The following ROBO2 variants were observed in gnomAD, a reference collection of about 807,000 sequenced individuals.
ROBO2 encodes the protein roundabout homolog 2.
ROBO2 carries 53 observed loss-of-function variants against 160.8 expected under a neutral mutation model. The observed-to-expected ratio is 0.33, with a 90% CI of 0.26 to 0.41. The LOEUF is 0.41. Among genes scored for constraint, ROBO2 ranks in the 10% least tolerant of loss-of-function variants. The pLI, the probability that ROBO2 is intolerant of heterozygous loss-of-function variation, is 1.00. For synonymous variants in ROBO2, 664 were observed against 611.7 expected (o/e 1.09, Z -1.26); for missense variants, 1,577 against 1,722.4 (o/e 0.92, Z 1.49).
At chr3:76,899,030 C>T (rs2075027173) in intron 2 of ROBO2, among the ~76,000 whole-genome samples, 1 of 152,188 alleles carries the variant, frequency 6.6e-6, no homozygotes, top group Middle Eastern at 3.4e-3. Context: ...AATTGAACAC[C>T]TATTCCATGT....
At chr3:76,706,709 A>G (rs2093169922) in intron 2 of ROBO2, among the ~76,000 whole-genome samples, 2 of 152,176 alleles carry the variant, frequency 1.3e-5, no homozygotes, top group African/African-American at 4.8e-5. Context: ...GAATATTTCC[A>G]AGGAATTAAA....
chr3:77,522,740 T>C lies in ROBO2; in HGVS notation c.807-35T>C, dbSNP rs763129276. The C allele has an allele frequency of 1.4e-5, 22 of 1,595,652 alleles. No individual in the cohort carries two copies. The South Asian group carries it at 2.3e-4, about 17-fold the overall frequency. On this transcript the variant is annotated intron_variant, in intron 5 of 25. Transcript: ENST00000461745. ...TTAATGTTATTATCCGTATAGCTAC[T>C]ACTATTTAATAAAACCAGTTCATTT...
intron 22 of ROBO2, 148 bp downstream of exon 23, chr3:77,617,921 C>T: frequency 1.2e-6 from 1 of 843,674 alleles, no homozygotes; most frequent in Non-Finnish European, 1.8e-6. Context: ...ATAAATGTAT[C>T]CACTGAGAAA....
At chr3:75,925,515 T>TA (rs1394313963) in intron 1 of ROBO2, among the ~76,000 whole-genome samples, 3 of 152,192 alleles carry the variant, frequency 2.0e-5, no homozygotes, top group Non-Finnish European at 4.4e-5. Context: ...AATAACCTGA[T>TA]ACTCTTTCTG....
intron 6 of ROBO2, among the ~76,000 whole-genome samples, chr3:77,537,380 A>G (rs951726321): frequency 5.3e-5 from 8 of 152,306 alleles, no homozygotes; most frequent in African/African-American, 1.9e-4. Flanking sequence ...TAATAGCTGC[A>G]TAATAGTAAC....
chr3:76,360,765 A>G (rs1458785023), intron 2 of ROBO2, among the ~76,000 whole-genome samples: 5 of 152,090 alleles, frequency 3.3e-5, no homozygotes, highest in Non-Finnish European at 7.4e-5. Context: ...AAAAGGAGAA[A>G]GAATTGGCTG....
chr3:76,049,296 G>A (rs997513081), intron 2 of ROBO2, among the ~76,000 whole-genome samples: 12 of 149,880 alleles, frequency 8.0e-5, no homozygotes, highest in Admixed American at 7.3e-4. Flanking sequence ...CTGCAGCCAC[G>A]ACCTCTTGGG....
chr3:77,487,510 G>T (rs1045956970), intron 4 of ROBO2, among the ~76,000 whole-genome samples: 2 of 152,104 alleles, frequency 1.3e-5, no homozygotes, highest in Non-Finnish European at 2.9e-5. Flanking sequence ...ATGCAGTCAG[G>T]ATTTATTTAA....
At chr3:77,574,005 G>T (rs80173661) in intron 13 of ROBO2, among the ~76,000 whole-genome samples, 5,754 of 151,952 alleles carry the variant, frequency 0.038, 129 homozygotes, top group African/African-American at 0.059. Context: ...AGAATTTCTG[G>T]CACCTATGAG....
At chr3:76,292,093 TGTC>T (rs1180519922) in intron 2 of ROBO2, among the ~76,000 whole-genome samples, 1 of 152,190 alleles carries the variant, frequency 6.6e-6, no homozygotes, top group African/African-American at 2.4e-5. Flanking sequence ...ATCTGTCTAA[TGTC>T]GTCGGTAGAT....
In ROBO2 at chr3:77,308,233, G is replaced by A. The variant is rs565034495; in HGVS notation, c.389-169181G>A. Among the ~76,000 whole-genome samples the A allele has an allele frequency of 3.0e-4, 46 of 152,068 alleles. 1 individual carries two copies. Among genetic ancestry groups the A allele is most frequent in the African/African-American group, 1.0e-3 (42 of 41,482 alleles). On this transcript the variant is annotated intron_variant, in intron 2 of 25. Transcript: ENST00000461745. ...GTTCTTTTCATGTGAGAGATAACAA[G>A]TCTAAGCCAGATATTTAGTCATGTT... is the stretch of plus-strand genomic sequence containing the variant.
At chr3:76,213,313 A>T (rs1703270221) in intron 2 of ROBO2, among the ~76,000 whole-genome samples, 1 of 152,164 alleles carries the variant, frequency 6.6e-6, no homozygotes, top group African/African-American at 2.4e-5. Flanking sequence ...TTTTAGAAGA[A>T]GTTATCTAAT....
At chr3:76,392,032 T>G (rs569653313) in intron 2 of ROBO2, among the ~76,000 whole-genome samples, 6 of 152,204 alleles carry the variant, frequency 3.9e-5, no homozygotes, top group Non-Finnish European at 8.8e-5. Flanking sequence ...GCATTCTTAT[T>G]CAGGGATAAT....
intron 2 of ROBO2, among the ~76,000 whole-genome samples, chr3:77,252,807 CAAAAAAAA>C (rs1182786373): frequency 6.2e-5 from 2 of 32,054 alleles, no homozygotes; most frequent in East Asian, 5.8e-4. Flanking sequence ...GACTCCATCT[CAAAAAAAA>C]AAAAAAAAAA....
intron 13 of ROBO2, 144 bp downstream of exon 14, chr3:77,568,578 C>A: frequency 1.0e-6 from 1 of 965,210 alleles, no homozygotes; most frequent in Non-Finnish European, 1.6e-6. Flanking sequence ...AGAAAATCAA[C>A]AAATTAAAAA....
chr3:76,142,494 A>T (rs1334511417), intron 2 of ROBO2, among the ~76,000 whole-genome samples: 1 of 152,064 alleles, frequency 6.6e-6, no homozygotes, highest in Non-Finnish European at 1.5e-5. Flanking sequence ...AAAGAATGAG[A>T]TCCAGTCATT....
At chr3:77,007,812 G>A (rs1287375236) in intron 2 of ROBO2, among the ~76,000 whole-genome samples, 2 of 151,954 alleles carry the variant, frequency 1.3e-5, no homozygotes, top group Admixed American at 6.6e-5. Flanking sequence ...AAATCCTTGG[G>A]TCTGAGTATG....
At chr3:77,111,793 T>G (rs1173724902) in intron 2 of ROBO2, among the ~76,000 whole-genome samples, 2 of 152,320 alleles carry the variant, frequency 1.3e-5, no homozygotes, top group African/African-American at 4.8e-5. Flanking sequence ...AAGTCCCTAC[T>G]TTAAACGAGG....
chr3:76,535,550 AG>A (rs1437916404), intron 2 of ROBO2, among the ~76,000 whole-genome samples: 12 of 152,096 alleles, frequency 7.9e-5, no homozygotes. Context: ...ATTGGGCAAA[AG>A]GACAGCAATG....
Sources: allele counts gnomAD v4.1 joint callset (sites outside exome capture counted in the v4.1 genomes callset), GRCh38; gene constraint gnomAD v4.1.1; transcripts MANE v1.5; gene names NCBI Gene and HGNC (gene_info 2026-07-23, HGNC 2026-07-21).